Variants in OR10A7 observed in about 807,000 individuals in gnomAD.
OR10A7 encodes olfactory receptor 10A7.
For missense variants in OR10A7, 434 were observed against 383.6 expected, an observed-to-expected ratio of 1.13 and a Z score of -1.10; for synonymous variants, 151 against 137.2, an observed-to-expected ratio of 1.10 and a Z score of -0.70.
rs141165246 is a variant in OR10A7, at chr12:55,221,639, G to C, written c.615G>C (p.Leu205=). 1.7e-5 allele frequency: 27 copies of C among 1,613,764 alleles called. No individual in the cohort carries two copies. The highest frequency in any genetic ancestry group is 2.1e-5 in the Non-Finnish European group (25 of 1,179,856). The part of the protein sequence containing the change: ...YEMQALASTL[L]FIMFPFCLIL... ...TGCAAGCACTTGCCTCCACACTCCT[G>C]TTTATCATGTTTCCCTTTTGTCTCA... The change falls in exon 1 of 1, where the codon CTG becomes CTC. Residue 205 remains leucine (L), a synonymous_variant. Transcript: ENST00000326258.
At position 55,221,410 on chromosome 12, in the gene OR10A7, C is replaced by T. The variant is rs1441518200; in HGVS notation, c.386C>T (p.Pro129Leu). 1 of 1,613,820 alleles carries T rather than the reference C, an allele frequency of 6.2e-7. No individual in the cohort carries two copies. The highest frequency in any genetic ancestry group is 1.7e-5 in the Admixed American group (1 of 59,902). Residue 129 changes from proline to leucine, a missense_variant, in exon 1 of 1, where the codon CCT (proline) becomes CTT (leucine). Pro to Leu is a moderately conservative substitution (Grantham distance 98, BLOSUM62 -3). Transcript: ENST00000326258. Reference protein sequence around the residue: ...AYDRFVAICNPLHYSVIMNRS... With the variant: ...AYDRFVAICNLLHYSVIMNRS... ...GATCGCTTTGTGGCCATCTGTAACC[C>T]TCTCCATTATTCAGTCATAATGAAC...
Position 55,221,861 on chromosome 12 carries a change from T to A in OR10A7, c.837T>A (p.Thr279=), listed in dbSNP as rs1451647142. The A allele has an allele frequency of 1.2e-5, 20 of 1,613,606 alleles. No individual in the cohort carries two copies. The highest frequency in any genetic ancestry group is 1.7e-5 in the Non-Finnish European group (20 of 1,179,792). The change falls in exon 1 of 1, where the codon ACT becomes ACA. Residue 279 remains threonine, a synonymous_variant. Coordinates refer to ENST00000326258, the MANE Select transcript of OR10A7 (RefSeq NM_001005280.1). Reference sequence around the variant, plus strand: ...AGAAGCTAGTGTCATTGTCCTACACTGTCATCACACCTATGCTAAACCCCA... The same window carrying A: ...AGAAGCTAGTGTCATTGTCCTACACAGTCATCACACCTATGCTAAACCCCA... The part of the protein sequence containing the change: ...ESKKLVSLSY[T]VITPMLNPII...
Sources: allele counts gnomAD v4.1 joint callset, GRCh38; gene constraint gnomAD v4.1.1; transcripts MANE v1.5; gene names NCBI Gene and HGNC (gene_info 2026-07-23, HGNC 2026-07-21).